Variants in COL25A1 observed in about 807,000 individuals in gnomAD.
COL25A1 encodes the protein collagen alpha-1(XXV) chain.
In COL25A1, 103 loss-of-function variants were observed where a neutral mutation model predicts 128.4. The ratio of observed to expected loss-of-function variants is 0.80; its 90% CI spans 0.68 to 0.94. The LOEUF is 0.94. COL25A1 is among the 40% of genes least tolerant of loss of function. The probability of loss-of-function intolerance (pLI) is 0.00; values close to 1 mark genes in which losing one functional copy is unlikely to be tolerated. For missense variants in COL25A1, 745 were observed against 840.0 expected, an observed-to-expected ratio of 0.89 and a Z score of 1.40; for synonymous variants, 279 against 277.2, an observed-to-expected ratio of 1.01 and a Z score of -0.06.
Position 108,819,321 on chromosome 4 carries a change from A to C in COL25A1, c.1854T>G (p.Arg618=). ...GCTCCCCTTTTTCCCCCTTAACGCC[A>C]CGGAATCCCTGTTTGTAAAGATTAA... is the stretch of plus-strand genomic sequence containing the variant. ...DLGEKGEKGF[R]GVKGEKGEPG... The change falls in exon 36 of 38, where the codon CGT becomes CGG. Residue 618 remains arginine, a synonymous_variant. Transcript: ENST00000399132. 6.2e-7 allele frequency: 1 copy of C among 1,612,634 alleles called. No individual in the cohort carries two copies. The highest frequency in any genetic ancestry group is 8.5e-7 in the Non-Finnish European group (1 of 1,179,356).
At chr4:109,026,219 A>T in intron 5 of COL25A1, among the ~76,000 whole-genome samples, 1 of 152,044 alleles carries the variant, frequency 6.6e-6, no homozygotes, top group South Asian at 2.1e-4. Context: ...ATGTAATGTA[A>T]TGTAAATATT....
At chr4:108,854,765 G>A (rs749951635) in intron 24 of COL25A1, among the ~76,000 whole-genome samples, 7 of 152,162 alleles carry the variant, frequency 4.6e-5, no homozygotes, top group Admixed American at 6.5e-5. Flanking sequence ...CTGTTTGTGG[G>A]AGTGTAAACT....
In COL25A1 at chr4:109,056,198, A is replaced by T. The variant is rs1761429429; in HGVS notation, c.368-6019T>A. ...CCTTATTTTTAACAATAGAAAAGAT[A>T]TACTAACAAATGTGTGAGGGACTAT... On this transcript the variant is annotated intron_variant, in intron 3 of 37. Coordinates refer to ENST00000399132, the MANE Select transcript of COL25A1 (RefSeq NM_198721.4). Among the ~76,000 whole-genome samples, 6 of 152,238 alleles carry T rather than the reference A, an allele frequency of 3.9e-5. No individual in the cohort carries two copies. The South Asian group carries it at 1.2e-3, about 32-fold the overall frequency.
At chr4:109,279,026 C>T (rs1386184066) in intron 3 of COL25A1, among the ~76,000 whole-genome samples, 1 of 150,844 alleles carries the variant, frequency 6.6e-6, no homozygotes, top group Admixed American at 6.7e-5. Context: ...TATCTGGCCT[C>T]TGTCCTCATG....
intron 3 of COL25A1, among the ~76,000 whole-genome samples, chr4:109,201,814 G>A (rs1278748785): frequency 1.3e-5 from 2 of 152,060 alleles, no homozygotes; most frequent in Non-Finnish European, 2.9e-5. Context: ...AAAATGCAAA[G>A]TCAACAGCTT....
At chr4:109,035,739 A>G (rs955944268) in intron 5 of COL25A1, among the ~76,000 whole-genome samples, 1 of 152,040 alleles carries the variant, frequency 6.6e-6, no homozygotes, top group African/African-American at 2.4e-5. Context: ...GGAAATATAC[A>G]ATTTTTGTAG....
rs1740627354 is a variant in COL25A1, at chr4:108,885,122, C to T, written c.976-900G>A. Among the ~76,000 whole-genome samples the T allele has an allele frequency of 2.0e-5, 3 of 152,086 alleles. No homozygotes were observed. The South Asian group carries it at 6.2e-4, about 32-fold the overall frequency. On this transcript the variant is annotated intron_variant, in intron 18 of 37. Transcript: ENST00000399132. ...AAGGGTGATACTACTTCGTGATGGC[C>T]AGTTAGTGGGATGACAACTATACTA...
chr4:108,957,849 T>C (rs1398905937), intron 8 of COL25A1, among the ~76,000 whole-genome samples: 1 of 152,136 alleles, frequency 6.6e-6, no homozygotes, highest in Non-Finnish European at 1.5e-5. Flanking sequence ...CATCACTCTT[T>C]TAAAATAGGA....
chr4:109,088,619 G>A (rs1764624039), intron 3 of COL25A1, among the ~76,000 whole-genome samples: 1 of 152,164 alleles, frequency 6.6e-6, no homozygotes, highest in Admixed American at 6.5e-5. Context: ...ATGAATGAAT[G>A]AATGATAACG....
intron 3 of COL25A1, among the ~76,000 whole-genome samples, chr4:109,255,761 T>C (rs192127228): frequency 3.3e-5 from 5 of 152,356 alleles, no homozygotes; most frequent in African/African-American, 9.6e-5. Context: ...TTTCATAATA[T>C]TGATGCTTTC....
intron 3 of COL25A1, among the ~76,000 whole-genome samples, chr4:109,058,006 T>C (rs759627218): frequency 6.6e-6 from 1 of 152,190 alleles, no homozygotes; most frequent in Non-Finnish European, 1.5e-5. Context: ...GGGCTTTATA[T>C]AGATGCTTTG....
intron 31 of COL25A1, among the ~76,000 whole-genome samples, chr4:108,840,903 C>T (rs1290974591): frequency 4.6e-5 from 7 of 152,092 alleles, no homozygotes; most frequent in Non-Finnish European, 1.0e-4. Context: ...GGTGAGTTAC[C>T]CAGTTGAGTA....
At chr4:108,994,076 G>A (rs942680635) in intron 6 of COL25A1, among the ~76,000 whole-genome samples, 2 of 152,116 alleles carry the variant, frequency 1.3e-5, no homozygotes, top group African/African-American at 4.8e-5. Context: ...TCCAACTGAG[G>A]TACCTGGTTC....
chr4:108,876,021 T>C (rs141519089), intron 19 of COL25A1, among the ~76,000 whole-genome samples: 1,628 of 152,006 alleles, frequency 0.011, 10 homozygotes, highest in Non-Finnish European at 0.016. Flanking sequence ...ATGAGATCAC[T>C]TGGACACAGG....
At chr4:109,232,424 AAT>A (rs1224228723) in intron 3 of COL25A1, among the ~76,000 whole-genome samples, 1 of 152,186 alleles carries the variant, frequency 6.6e-6, no homozygotes, top group African/African-American at 2.4e-5. Context: ...TTGTGGCTGA[AAT>A]TTTGATTCAC....
intron 6 of COL25A1, among the ~76,000 whole-genome samples, chr4:108,989,777 T>C (rs1310458470): frequency 6.6e-6 from 1 of 152,196 alleles, no homozygotes; most frequent in Non-Finnish European, 1.5e-5. Flanking sequence ...TTCTAACTAC[T>C]ATCATATAGC....
intron 3 of COL25A1, among the ~76,000 whole-genome samples, chr4:109,250,948 C>A (rs1237844493): frequency 2.6e-5 from 4 of 152,154 alleles, no homozygotes; most frequent in Non-Finnish European, 5.9e-5. Flanking sequence ...AACCATTCTG[C>A]ATACAACCAA....
intron 3 of COL25A1, among the ~76,000 whole-genome samples, chr4:109,134,266 T>C (rs778592328): frequency 3.3e-5 from 5 of 151,624 alleles, no homozygotes; most frequent in Non-Finnish European, 5.9e-5. Flanking sequence ...GTTTTTATAG[T>C]AGATAATTGC....
intron 3 of COL25A1, among the ~76,000 whole-genome samples, chr4:109,184,148 G>A (rs1163287444): frequency 6.6e-6 from 1 of 152,146 alleles, no homozygotes; most frequent in Non-Finnish European, 1.5e-5. Context: ...GTTCCAGATA[G>A]CAGTTTTCAA....
Sources: allele counts gnomAD v4.1 joint callset (sites outside exome capture counted in the v4.1 genomes callset), GRCh38; gene constraint gnomAD v4.1.1; transcripts MANE v1.5; gene names NCBI Gene and HGNC (gene_info 2026-07-23, HGNC 2026-07-21).